The following CHCHD6 variants were observed in gnomAD, a reference collection of about 807,000 sequenced individuals.
The protein encoded by CHCHD6 is MICOS complex subunit MIC25.
Under a neutral mutation model 32.3 loss-of-function variants are expected in CHCHD6, and 28 were observed. The observed-to-expected ratio is 0.87, with a 90% CI of 0.64 to 1.19. The LOEUF is 1.19. Ranked by LOEUF, CHCHD6 falls within the 50% of genes most tolerant of loss-of-function variation. CHCHD6 has a pLI of 0.00. For synonymous variants in CHCHD6, 122 were observed against 117.5 expected, an observed-to-expected ratio of 1.04 and a Z score of -0.25; for missense variants, 333 against 307.0, an observed-to-expected ratio of 1.08 and a Z score of -0.63.
chr3:126,957,162 C>T (rs2078797270), intron 6 of CHCHD6: 2 of 559,368 alleles, frequency 3.6e-6, no homozygotes, highest in African/African-American at 3.8e-5. Context: ...GGTGTGGAGC[C>T]CCATACCACA....
At chr3:126,886,868 A>G (rs909200752) in intron 5 of CHCHD6, among the ~76,000 whole-genome samples, 4 of 152,108 alleles carry the variant, frequency 2.6e-5, no homozygotes, top group African/African-American at 9.7e-5. Flanking sequence ...TGTGGACTCT[A>G]GCAACACAGT....
At chr3:126,705,721 A>G (rs1403309886) in intron 1 of CHCHD6, among the ~76,000 whole-genome samples, 1 of 152,162 alleles carries the variant, frequency 6.6e-6, no homozygotes, top group Non-Finnish European at 1.5e-5. Context: ...TTAAGGAGGA[A>G]TTAGGGAGGT....
At chr3:126,819,902 G>A (rs1460780740) in intron 4 of CHCHD6, among the ~76,000 whole-genome samples, 1 of 152,234 alleles carries the variant, frequency 6.6e-6, no homozygotes, top group African/African-American at 2.4e-5. Flanking sequence ...CGGAAAAACT[G>A]ACTGAGGGAG....
rs760134222 is a variant in CHCHD6, at chr3:126,852,737, C to A, written c.495+7C>A. 6.2e-6 allele frequency: 10 copies of A among 1,600,518 alleles called. No homozygotes were observed. The East Asian group carries it at 2.2e-4, about 36-fold the overall frequency. On this transcript the variant is annotated splice_region_variant and intron_variant, in intron 5 of 7. Transcript: ENST00000290913. ...GGAGCGTATTGAGAGGAAGGTAAGA[C>A]TCCTGCTTGGCTGCATTCCTCGGGG... is the stretch of plus-strand genomic sequence containing the variant.
At chr3:126,954,429 C>G (rs1437755193) in intron 6 of CHCHD6, among the ~76,000 whole-genome samples, 1 of 152,252 alleles carries the variant, frequency 6.6e-6, no homozygotes. Flanking sequence ...TGTTGTGCCT[C>G]TGTAGAGGGC....
chr3:126,708,624 T>A (rs1934611442), intron 1 of CHCHD6, among the ~76,000 whole-genome samples: 1 of 143,584 alleles, frequency 7.0e-6, no homozygotes, highest in African/African-American at 2.6e-5. Flanking sequence ...GTGGTTCGAG[T>A]CCAGTGTAGC....
At chr3:126,889,432 G>A (rs1405290648) in intron 5 of CHCHD6, among the ~76,000 whole-genome samples, 1 of 152,186 alleles carries the variant, frequency 6.6e-6, no homozygotes, top group Non-Finnish European at 1.5e-5. Flanking sequence ...GCCTGGAAGG[G>A]GTGACATGCT....
intron 4 of CHCHD6, among the ~76,000 whole-genome samples, chr3:126,807,076 A>C (rs887615794): frequency 1.3e-5 from 2 of 150,048 alleles, no homozygotes; most frequent in African/African-American, 4.9e-5. Context: ...GAGGGATAGC[A>C]TTAGGCGATA....
intron 4 of CHCHD6, among the ~76,000 whole-genome samples, chr3:126,810,414 A>G (rs1019626251): frequency 6.6e-6 from 1 of 152,244 alleles, no homozygotes; most frequent in African/African-American, 2.4e-5. Flanking sequence ...AGAAACAGCT[A>G]GAATAATCTA....
intron 1 of CHCHD6, among the ~76,000 whole-genome samples, chr3:126,713,463 C>T (rs1053918126): frequency 2.6e-5 from 4 of 152,182 alleles, no homozygotes; most frequent in East Asian, 3.9e-4. Context: ...GCCTTCACTG[C>T]GCCTCCCTGC....
In CHCHD6 at chr3:126,906,265, C is replaced by G. The variant is rs147455412; in HGVS notation, c.496-8415C>G. 1.0e-3 allele frequency among the ~76,000 whole-genome samples: 153 copies of G among 152,344 alleles called. 3 individuals carry two copies. In the East Asian group the frequency reaches 0.022, roughly 22 times the overall value. On this transcript the variant is annotated intron_variant, in intron 5 of 7. Coordinates refer to ENST00000290913, the MANE Select transcript of CHCHD6 (RefSeq NM_032343.3). ...GGAATGACCCACCCATCTCTCTGGG[C>G]CACTGCAGCATCCTCCAGGCCTCCA...
chr3:126,821,622 A>T (rs771807625), intron 4 of CHCHD6, among the ~76,000 whole-genome samples: 10 of 152,044 alleles, frequency 6.6e-5, no homozygotes, highest in Non-Finnish European at 1.3e-4. Flanking sequence ...TAAATTTTTG[A>T]AGAACTGCTA....
At chr3:126,815,116 T>C (rs1457288911) in intron 4 of CHCHD6, among the ~76,000 whole-genome samples, 4 of 152,332 alleles carry the variant, frequency 2.6e-5, no homozygotes, top group East Asian at 3.9e-4. Flanking sequence ...TAACAGAATC[T>C]AATCCAAATC....
intron 4 of CHCHD6, among the ~76,000 whole-genome samples, chr3:126,756,926 G>T (rs1576378188): frequency 6.6e-6 from 1 of 152,206 alleles, no homozygotes; most frequent in Non-Finnish European, 1.5e-5. Context: ...ATTAAGGCAA[G>T]AATCACATCA....
intron 4 of CHCHD6, among the ~76,000 whole-genome samples, chr3:126,793,549 G>A (rs1938650670): frequency 6.6e-6 from 1 of 151,988 alleles, no homozygotes; most frequent in Non-Finnish European, 1.5e-5. Flanking sequence ...AATATTACCT[G>A]TGTATATATT....
chr3:126,906,731 C>T (rs1368030078), intron 5 of CHCHD6, among the ~76,000 whole-genome samples: 1 of 152,202 alleles, frequency 6.6e-6, no homozygotes, highest in East Asian at 1.9e-4. Flanking sequence ...CCCTCCATAT[C>T]CAGAGCGTTA....
At chr3:126,731,324 C>T (rs1366336516) in intron 3 of CHCHD6, among the ~76,000 whole-genome samples, 3 of 152,066 alleles carry the variant, frequency 2.0e-5, no homozygotes, top group Non-Finnish European at 1.5e-5. Flanking sequence ...ACACCTCTGT[C>T]ATGGGACCTG....
At chr3:126,907,386 CTCAT>C (rs199977724) in intron 5 of CHCHD6, among the ~76,000 whole-genome samples, 1 of 152,198 alleles carries the variant, frequency 6.6e-6, no homozygotes, top group African/African-American at 2.4e-5. Context: ...AATTAAAATT[CTCAT>C]TCATTCATTC....
At chr3:126,908,971 G>A (rs1201149324) in intron 5 of CHCHD6, among the ~76,000 whole-genome samples, 1 of 152,244 alleles carries the variant, frequency 6.6e-6, no homozygotes, top group East Asian at 1.9e-4. Flanking sequence ...ACCACGGCAT[G>A]CACACGTTGC....
Sources: allele counts gnomAD v4.1 joint callset (sites outside exome capture counted in the v4.1 genomes callset), GRCh38; gene constraint gnomAD v4.1.1; transcripts MANE v1.5; gene names NCBI Gene and HGNC (gene_info 2026-07-23, HGNC 2026-07-21).